SLC35F4: variants seen among roughly 807,000 people sequenced by gnomAD.
The protein encoded by SLC35F4 is solute carrier family 35 member F4.
Under a neutral mutation model 44.2 loss-of-function variants are expected in SLC35F4, and 24 were observed. That is an observed-to-expected ratio of 0.54 (90% CI 0.39 to 0.76). The LOEUF is 0.76. Among genes scored for constraint, SLC35F4 ranks in the 30% least tolerant of loss-of-function variants. SLC35F4 has a pLI of 0.00. For missense variants in SLC35F4, 562 were observed against 586.1 expected (o/e 0.96, Z 0.42); for synonymous variants, 238 against 223.6 (o/e 1.06, Z -0.57).
chr14:57,866,344 C>G (rs1446685261), upstream of SLC35F4, among the ~76,000 whole-genome samples: 1 of 152,154 alleles, frequency 6.6e-6, no homozygotes, highest in African/African-American at 2.4e-5. Context: ...GAGGCATTAA[C>G]TCTGTCGCTC....
chr14:57,802,610 C>T (rs71414171), intron 1 of SLC35F4, among the ~76,000 whole-genome samples: 4,963 of 152,066 alleles, frequency 0.033, 108 homozygotes, highest in Non-Finnish European at 0.046. Context: ...CAAATAAACA[C>T]AATCAGAAAT....
chr14:57,704,581 A>T (rs911745574), intron 1 of SLC35F4, among the ~76,000 whole-genome samples: 9 of 152,128 alleles, frequency 5.9e-5, no homozygotes, highest in Admixed American at 2.6e-4. Flanking sequence ...AAGAAGGGCT[A>T]TCTCCTGACA....
chr14:57,791,160 TG>T (rs1272273026), intron 1 of SLC35F4, among the ~76,000 whole-genome samples: 2 of 152,234 alleles, frequency 1.3e-5, no homozygotes, highest in Non-Finnish European at 2.9e-5. Flanking sequence ...AAAGAGCTTT[TG>T]CACAGCTAAA....
At chr14:57,797,704 G>A (rs77435528) in intron 1 of SLC35F4, among the ~76,000 whole-genome samples, 2,106 of 152,176 alleles carry the variant, frequency 0.014, 30 homozygotes, top group Middle Eastern at 0.034. Flanking sequence ...TATAAAAATG[G>A]AAGTTAACTG....
At chr14:57,962,421 T>C (rs1890355165) in intron 1 of SLC35F4, among the ~76,000 whole-genome samples, 1 of 152,154 alleles carries the variant, frequency 6.6e-6, no homozygotes. Context: ...GCAGCTCCCA[T>C]TAAGCCAGCA....
chr14:57,964,892 T>A (rs552494239), intron 1 of SLC35F4, among the ~76,000 whole-genome samples: 1 of 151,260 alleles, frequency 6.6e-6, no homozygotes, highest in South Asian at 2.1e-4. Flanking sequence ...CATGTTGAGA[T>A]TTTAGGGGCA....
At chr14:57,657,369 A>G (rs1446332113) in intron 1 of SLC35F4, among the ~76,000 whole-genome samples, 1 of 152,170 alleles carries the variant, frequency 6.6e-6, no homozygotes, top group African/African-American at 2.4e-5. Flanking sequence ...TAAGCTTTAC[A>G]TTGGAACTGA....
chr14:57,830,230 T>C (rs1043166178), intron 1 of SLC35F4, among the ~76,000 whole-genome samples: 4 of 152,204 alleles, frequency 2.6e-5, no homozygotes, highest in African/African-American at 9.6e-5. Context: ...ACATTTCAAC[T>C]GTGTGGTTTT....
intron 1 of SLC35F4, among the ~76,000 whole-genome samples, chr14:57,874,969 G>A (rs934945050): frequency 1.9e-5 from 2 of 106,050 alleles, no homozygotes; most frequent in African/African-American, 7.9e-5. Context: ...AAGAGGCAGT[G>A]GAATAAATAA....
At chr14:57,858,424 G>T (rs182712791) in intron 1 of SLC35F4, among the ~76,000 whole-genome samples, 2 of 151,794 alleles carry the variant, frequency 1.3e-5, no homozygotes, top group Admixed American at 1.3e-4. Flanking sequence ...GCAAACTATC[G>T]CAAGGACAAA....
At chr14:57,715,208 T>C (rs559032426) in intron 1 of SLC35F4, among the ~76,000 whole-genome samples, 8 of 152,168 alleles carry the variant, frequency 5.3e-5, no homozygotes, top group Middle Eastern at 3.4e-3. Flanking sequence ...AGGTTGGCAA[T>C]TTATAGACAA....
At chr14:57,713,560 C>T (rs1029408884) in intron 1 of SLC35F4, among the ~76,000 whole-genome samples, 3 of 152,200 alleles carry the variant, frequency 2.0e-5, no homozygotes, top group Non-Finnish European at 4.4e-5. Context: ...TTTCCCCCTT[C>T]AGTGCCAGAA....
intron 1 of SLC35F4, among the ~76,000 whole-genome samples, chr14:57,857,969 A>C (rs1887283470): frequency 6.6e-6 from 1 of 152,042 alleles, no homozygotes. Context: ...GCAAATCAAA[A>C]CCACAGTGAG....
intron 1 of SLC35F4, among the ~76,000 whole-genome samples, chr14:57,981,615 C>G (rs1342906070): frequency 6.6e-6 from 1 of 152,070 alleles, no homozygotes; most frequent in East Asian, 1.9e-4. Flanking sequence ...TTTTCTTTCT[C>G]CATCCCCTCA....
intron 1 of SLC35F4, chr14:57,837,312 T>C (rs1885030237): frequency 6.6e-6 from 1 of 152,174 alleles, no homozygotes. Context: ...TTGCGAAGAA[T>C]TTTTCTAGCA....
intron 1 of SLC35F4, among the ~76,000 whole-genome samples, chr14:57,861,286 T>C (rs147903276): frequency 0.014 from 2,158 of 152,282 alleles, 35 homozygotes; most frequent in Non-Finnish European, 0.02. Context: ...ATCTCAGTTA[T>C]ACACTTTCCC....
chr14:57,815,495 C>G (rs1882457332), intron 1 of SLC35F4, among the ~76,000 whole-genome samples: 1 of 152,140 alleles, frequency 6.6e-6, no homozygotes, highest in Non-Finnish European at 1.5e-5. Flanking sequence ...TACCTGTCCC[C>G]TTAACTTCAA....
At chr14:57,588,275 C>T (rs2069919554) in intron 3 of SLC35F4, among the ~76,000 whole-genome samples, 1 of 152,174 alleles carries the variant, frequency 6.6e-6, no homozygotes, top group Admixed American at 6.5e-5. Flanking sequence ...GGGGCAACCC[C>T]TGCAAGACAA....
intron 1 of SLC35F4, among the ~76,000 whole-genome samples, chr14:57,703,585 A>T (rs1353261539): frequency 6.6e-6 from 1 of 152,178 alleles, no homozygotes; most frequent in Non-Finnish European, 1.5e-5. Context: ...CCAGATTATT[A>T]TTCCCCATAC....
Sources: allele counts gnomAD v4.1 joint callset (sites outside exome capture counted in the v4.1 genomes callset), GRCh38; gene constraint gnomAD v4.1.1; transcripts MANE v1.5; gene names NCBI Gene and HGNC (gene_info 2026-07-23, HGNC 2026-07-21).